SAMTOR: variants seen among roughly 807,000 people sequenced by gnomAD.
The protein encoded by SAMTOR is UPF0532 protein C7orf60.
At chr7:112,869,127 C>T in the SAMTOR span, among the ~76,000 whole-genome samples, 1 of 152,272 alleles carries the variant, frequency 6.6e-6, no homozygotes, top group African/African-American at 2.4e-5. Context: ...CTGAAGGGGG[C>T]AACAGCAAAG....
chr7:112,915,251 AG>A, the SAMTOR span: 4 of 1,490,930 alleles, frequency 2.7e-6, no homozygotes, highest in East Asian at 2.5e-5. Context: ...AAAAAAAAAA[AG>A]AAGTTACAAC....
the SAMTOR span, among the ~76,000 whole-genome samples, chr7:112,879,479 G>A: frequency 6.6e-6 from 1 of 152,128 alleles, no homozygotes; most frequent in Non-Finnish European, 1.5e-5. Context: ...TAACATCGCA[G>A]TGACAGAAGA....
the SAMTOR span, chr7:112,915,265 T>C: frequency 6.6e-7 from 1 of 1,525,802 alleles, no homozygotes; most frequent in Non-Finnish European, 8.8e-7. Context: ...GTTACAACAA[T>C]ACATTTGAAA....
chr7:112,881,349 T>C, the SAMTOR span, among the ~76,000 whole-genome samples: 1,914 of 152,266 alleles, frequency 0.013, 22 homozygotes, highest in Admixed American at 0.038. Flanking sequence ...CAGGGACAGC[T>C]TGAAGACTCA....
the SAMTOR span, among the ~76,000 whole-genome samples, chr7:112,925,702 G>A: frequency 6.6e-6 from 1 of 151,988 alleles, no homozygotes; most frequent in African/African-American, 2.4e-5. Context: ...GCTGAGGCAG[G>A]AGAATCGCTT....
the SAMTOR span, among the ~76,000 whole-genome samples, chr7:112,908,849 G>A: frequency 6.6e-6 from 1 of 152,108 alleles, no homozygotes; most frequent in Non-Finnish European, 1.5e-5. Context: ...TAAGAAACAG[G>A]ATACCTGTAA....
At chr7:112,921,290 C>T in the SAMTOR span, among the ~76,000 whole-genome samples, 1 of 152,038 alleles carries the variant, frequency 6.6e-6, no homozygotes, top group South Asian at 2.1e-4. Context: ...AGAAATAACG[C>T]CGCATATCTA....
chr7:112,823,413 C>T, the SAMTOR span, among the ~76,000 whole-genome samples: 73 of 152,254 alleles, frequency 4.8e-4, 1 homozygote, highest in Non-Finnish European at 7.5e-4. Context: ...CTTCCCCTGC[C>T]AGCAGGCAAC....
At chr7:112,823,133 C>T in the SAMTOR span, among the ~76,000 whole-genome samples, 1 of 152,132 alleles carries the variant, frequency 6.6e-6, no homozygotes, top group Non-Finnish European at 1.5e-5. Flanking sequence ...ATCCCTCACT[C>T]ATGTTAGTGT....
the SAMTOR span, among the ~76,000 whole-genome samples, chr7:112,894,619 A>G: frequency 6.6e-6 from 1 of 152,172 alleles, no homozygotes; most frequent in African/African-American, 2.4e-5. Flanking sequence ...AATGAGAGCC[A>G]AGCTAAAGGG....
At chr7:112,894,261 T>A in the SAMTOR span, among the ~76,000 whole-genome samples, 1 of 152,020 alleles carries the variant, frequency 6.6e-6, no homozygotes, top group Admixed American at 6.6e-5. Flanking sequence ...AGTTAGAACA[T>A]ACATGACATT....
the SAMTOR span, among the ~76,000 whole-genome samples, chr7:112,881,075 G>A: frequency 2.3e-4 from 35 of 152,166 alleles, no homozygotes; most frequent in African/African-American, 8.0e-4. Context: ...CCACTGCCCC[G>A]CAGGCTCAGA....
chr7:112,841,915 A>AC, the SAMTOR span, among the ~76,000 whole-genome samples: 3 of 152,310 alleles, frequency 2.0e-5, no homozygotes, highest in South Asian at 6.2e-4. Flanking sequence ...TACACCTTAT[A>AC]CAAAAATTAA....
chr7:112,910,236 C>A, the SAMTOR span, among the ~76,000 whole-genome samples: 1 of 151,776 alleles, frequency 6.6e-6, no homozygotes, highest in Non-Finnish European at 1.5e-5. Flanking sequence ...AAAAATAAAC[C>A]CCACAACCCC....
chr7:112,829,687 C>T, the SAMTOR span, among the ~76,000 whole-genome samples: 1 of 152,166 alleles, frequency 6.6e-6, no homozygotes, highest in Non-Finnish European at 1.5e-5. Flanking sequence ...TGGAGACAAT[C>T]TGAAGTTTTT....
the SAMTOR span, chr7:112,821,504 C>T: frequency 1.7e-5 from 6 of 362,928 alleles, no homozygotes; most frequent in African/African-American, 1.3e-4. Context: ...TATGATAGTG[C>T]TAAATGCTAA....
chr7:112,822,007 T>G, the SAMTOR span: 1 of 1,613,740 alleles, frequency 6.2e-7, no homozygotes, highest in Non-Finnish European at 8.5e-7. Flanking sequence ...GAGATTTTCC[T>G]AAATGCCATC....
the SAMTOR span, among the ~76,000 whole-genome samples, chr7:112,841,705 G>C: frequency 3.3e-5 from 5 of 152,058 alleles, no homozygotes; most frequent in African/African-American, 1.2e-4. Flanking sequence ...AACCAAAACA[G>C]CATGGTAGTG....
chr7:112,914,140 A>T, the SAMTOR span, among the ~76,000 whole-genome samples: 12 of 152,224 alleles, frequency 7.9e-5, no homozygotes, highest in Admixed American at 7.9e-4. Context: ...GCATTATTAC[A>T]GTTTTAAAAT....
Sources: gnomAD v4.1 joint callset for allele counts (sites outside exome capture counted in the v4.1 genomes callset) on GRCh38, gnomAD v4.1.1 for gene constraint, MANE v1.5 for transcripts, NCBI Gene and HGNC (gene_info 2026-07-23, HGNC 2026-07-21) for gene names.